Variants in DHX8 observed in about 807,000 individuals in gnomAD.
DHX8 encodes ATP-dependent RNA helicase DHX8.
Under a neutral mutation model 140.7 loss-of-function variants are expected in DHX8, and 67 were observed. That is an observed-to-expected ratio of 0.48 (90% confidence interval 0.39 to 0.58). The LOEUF (loss-of-function observed/expected upper bound fraction) is 0.58, where lower values mean the gene tolerates loss of function less well. Among genes scored for constraint, DHX8 ranks in the 20% least tolerant of loss-of-function variants. DHX8 has a pLI of 0.00. For synonymous variants in DHX8, 533 were observed against 553.2 expected (o/e 0.96, Z 0.51); for missense variants, 887 against 1,550.7 (o/e 0.57, Z 7.19).
Position 43,524,571 on chromosome 17 carries a change from A to G in DHX8, c.*724A>G. 1 of 985,666 alleles carries G rather than the reference A, an allele frequency of 1.0e-6. No individual in the cohort carries two copies. Among genetic ancestry groups the G allele is most frequent in the Non-Finnish European group, 1.2e-6 (1 of 830,160 alleles). The allele number at this position is 985,666 out of a possible 1,614,324, so 61.1% of individuals were successfully genotyped here. A position where few individuals can be genotyped will look rare whatever the true frequency, so the allele number is the denominator to read the frequency against. On this transcript the variant is annotated 3_prime_UTR_variant, in exon 23 of 23. Transcript: ENST00000262415. ...CGATGATCAACCATGTCCTCTCCAC[A>G]GAGCACTTCAGTCTGGAGGCCTGAG...
exon 4 of DHX8, chr17:43,544,447 A>C (rs1971694862): frequency 6.5e-6 from 1 of 153,276 alleles, no homozygotes; most frequent in Non-Finnish European, 1.5e-5. Flanking sequence ...ACTGCCGAAA[A>C]GAATTATTTA....
chr17:43,517,087 C>A, intron 17 of DHX8, 80 bp from the exon 18 acceptor site: 2 of 1,404,612 alleles, frequency 1.4e-6, no homozygotes, highest in South Asian at 1.6e-5. Context: ...GTTAATTGTC[C>A]CCCTTTTAAC....
intron 16 of DHX8, among the ~76,000 whole-genome samples, chr17:43,512,634 G>T (rs902285181): frequency 2.0e-5 from 3 of 152,128 alleles, no homozygotes; most frequent in African/African-American, 7.2e-5. Flanking sequence ...TCTAAGCAGG[G>T]CTTCTGTAGT....
chr17:43,543,645 C>G (rs76617337), intron 3 of DHX8, among the ~76,000 whole-genome samples: 2,056 of 152,228 alleles, frequency 0.014, 50 homozygotes, highest in African/African-American at 0.048. Flanking sequence ...TCCAGAACCT[C>G]AGAAGAAGGA....
chr17:43,521,125 G>C (rs116748556), intron 20 of DHX8, among the ~76,000 whole-genome samples: 1 of 152,098 alleles, frequency 6.6e-6, no homozygotes, highest in African/African-American at 2.4e-5. Context: ...ACCGTGTGCT[G>C]CTAATTTTTG....
Position 43,484,063 on chromosome 17 carries a change from G to A in DHX8, c.26G>A (p.Gly9Glu). 2 of 1,614,222 alleles carry A rather than the reference G, an allele frequency of 1.2e-6. No homozygotes were observed. The highest frequency in any genetic ancestry group is 1.7e-6 in the Non-Finnish European group (2 of 1,180,038). Reference sequence around the variant, plus strand: ...ATGGCTGTGGCTGTAGCCATGGCGGGAGCCTTAATCGGGTCGGAGCCAGGC... The same window carrying A: ...ATGGCTGTGGCTGTAGCCATGGCGGAAGCCTTAATCGGGTCGGAGCCAGGC... The part of the protein sequence containing the change: MAVAVAMA[G>E]ALIGSEPGPA... Residue 9 changes from glycine (G) to glutamate (E), a missense_variant, in exon 1 of 23, where the codon GGA (glycine) becomes GAA (glutamate). Physicochemically the swap from Gly to Glu is moderately conservative, Grantham distance 98. Coordinates refer to ENST00000262415, the MANE Select transcript of DHX8 (RefSeq NM_004941.3).
intron 16 of DHX8, among the ~76,000 whole-genome samples, chr17:43,509,442 T>A (rs1315083747): frequency 6.6e-6 from 1 of 151,976 alleles, no homozygotes; most frequent in Non-Finnish European, 1.5e-5. Flanking sequence ...TATTGAGATA[T>A]AATTTACATA....
intron 20 of DHX8, 82 bp from the exon 21 acceptor site, chr17:43,521,287 C>T (rs868408751): frequency 1.5e-5 from 18 of 1,210,306 alleles, no homozygotes; most frequent in Non-Finnish European, 1.9e-5. Flanking sequence ...TTGATAGGGT[C>T]TTGTAGGGCT....
downstream of DHX8, chr17:43,530,021 G>A (rs564593761): frequency 2.5e-6 from 4 of 1,609,328 alleles, no homozygotes; most frequent in South Asian, 4.4e-5. Flanking sequence ...AGTCCAGAGG[G>A]ACTCCTGGCC....
At chr17:43,535,827 T>TG (rs1971212173) in intron 2 of DHX8, among the ~76,000 whole-genome samples, 1 of 152,078 alleles carries the variant, frequency 6.6e-6, no homozygotes, top group African/African-American at 2.4e-5. Flanking sequence ...ATACTAGAAC[T>TG]GGGGGCGGGC....
chr17:43,488,283 A>G (rs938897781), intron 1 of DHX8, among the ~76,000 whole-genome samples: 2 of 134,456 alleles, frequency 1.5e-5, no homozygotes, highest in Non-Finnish European at 3.2e-5. Flanking sequence ...GTCTCAAAAA[A>G]AAGAAAAAAA....
At chr17:43,529,457 G>A (rs1185658344), downstream of DHX8, 1 of 1,572,384 alleles carries the variant, frequency 6.4e-7, no homozygotes, top group South Asian at 1.2e-5. Context: ...CCCACCTCCA[G>A]GCTGTAAACT....
intron 5 of DHX8, 50 bp downstream of exon 5, chr17:43,492,342 T>C: frequency 6.7e-7 from 1 of 1,495,780 alleles, no homozygotes; most frequent in Non-Finnish European, 9.2e-7. Flanking sequence ...CTGTGACAGT[T>C]GAATATTATG....
At chr17:43,487,803 C>A (rs1968257198) in intron 1 of DHX8, among the ~76,000 whole-genome samples, 1 of 151,826 alleles carries the variant, frequency 6.6e-6, no homozygotes, top group African/African-American at 2.4e-5. Context: ...GTGGCAAAAC[C>A]CCGTCTCTAC....
At chr17:43,511,405 T>C (rs1041151627) in intron 16 of DHX8, among the ~76,000 whole-genome samples, 1 of 150,876 alleles carries the variant, frequency 6.6e-6, no homozygotes, top group Non-Finnish European at 1.5e-5. Context: ...AACATTTGTT[T>C]ACACATTTTT....
rs745833646 is a variant in DHX8, at chr17:43,493,529, C to G, written c.948C>G (p.Gly316=). Residue 316 remains glycine (G), a synonymous_variant, in exon 7 of 23, where the codon GGC becomes GGG. Transcript: ENST00000262415. Reference sequence around the variant, plus strand: ...ATGTAGCTGATGTCGTGAGCAAAGGCCAGAGGGTCAAAGTCAAAGTGCTGT... The same window carrying G: ...ATGTAGCTGATGTCGTGAGCAAAGGGCAGAGGGTCAAAGTCAAAGTGCTGT... ...VANVADVVSK[G]QRVKVKVLSF... The G allele has an allele frequency of 1.9e-6, 3 of 1,614,066 alleles. No homozygotes were observed. The highest frequency in any genetic ancestry group is 2.5e-6 in the Non-Finnish European group (3 of 1,180,006).
At chr17:43,511,159 G>C (rs1402163244) in intron 16 of DHX8, among the ~76,000 whole-genome samples, 5 of 152,042 alleles carry the variant, frequency 3.3e-5, no homozygotes, top group Admixed American at 6.6e-5. Flanking sequence ...GTGAAACCCT[G>C]TCTCTACTAA....
intron 19 of DHX8, 66 bp downstream of exon 19, chr17:43,520,333 G>T: frequency 6.3e-7 from 1 of 1,580,160 alleles, no homozygotes; most frequent in South Asian, 1.1e-5. Flanking sequence ...CACATCCTTC[G>T]GTCTGTACAA....
intron 16 of DHX8, among the ~76,000 whole-genome samples, chr17:43,511,456 ATTTTTT>A (rs71160045): frequency 1.8e-5 from 1 of 56,790 alleles, no homozygotes; most frequent in African/African-American, 7.7e-5. Flanking sequence ...TGATCCCAGC[ATTTTTT>A]TTTTTTTTTT....
Sources: allele counts gnomAD v4.1 joint callset (sites outside exome capture counted in the v4.1 genomes callset), GRCh38; gene constraint gnomAD v4.1.1; transcripts MANE v1.5; gene names NCBI Gene and HGNC (gene_info 2026-07-23, HGNC 2026-07-21).